The following R3HDM2 variants were observed in gnomAD, a reference collection of about 807,000 sequenced individuals.
R3HDM2 encodes R3H domain-containing protein 2.
A neutral mutation model predicts 124.5 loss-of-function variants in R3HDM2; 38 were observed. The ratio of observed to expected loss-of-function variants is 0.31; its 90% CI spans 0.24 to 0.40. The LOEUF (loss-of-function observed/expected upper bound fraction) is 0.40. R3HDM2 is among the 10% of genes least tolerant of loss of function. The pLI is 1.00. For missense variants in R3HDM2, 869 were observed against 1,236.9 expected, an observed-to-expected ratio of 0.70 and a Z score of 4.46; for synonymous variants, 391 against 448.0, an observed-to-expected ratio of 0.87 and a Z score of 1.61.
chr12:57,380,247 ATT>A (rs1027386880), intron 2 of R3HDM2, among the ~76,000 whole-genome samples: 1 of 152,194 alleles, frequency 6.6e-6, no homozygotes, highest in Non-Finnish European at 1.5e-5. Context: ...TCAAAAACAT[ATT>A]GTTTTTCAAA....
intron 2 of R3HDM2, among the ~76,000 whole-genome samples, chr12:57,311,417 AG>A (rs2053884419): frequency 6.6e-6 from 1 of 151,788 alleles, no homozygotes; most frequent in Admixed American, 6.6e-5. Flanking sequence ...TAGTACAGAC[AG>A]GGTTTCACTG....
At chr12:57,312,837 G>A (rs2054194203) in intron 2 of R3HDM2, among the ~76,000 whole-genome samples, 1 of 149,792 alleles carries the variant, frequency 6.7e-6, no homozygotes, top group Non-Finnish European at 1.5e-5. Context: ...ACTGAGGCAG[G>A]AGAATCACTT....
chr12:57,256,030 T>A lies in R3HDM2; in HGVS notation c.2592A>T (p.Ala864=). The A allele has an allele frequency of 6.2e-7, 1 of 1,614,032 alleles. No individual in the cohort carries two copies. Among genetic ancestry groups the A allele is most frequent in the Non-Finnish European group, 8.5e-7 (1 of 1,179,982 alleles). ...LKHGNRGKRQ[A]LKSASTDLGT... is the part of the protein sequence containing the mutation. ...CCAGGTCAGTGGAGGCAGATTTGAG[T>A]GCTTGTCTCTTGCCCCGGTTTCCAT... The change falls in exon 23 of 24, where the codon GCA becomes GCT. Residue 864 remains alanine, a synonymous_variant. Transcript: ENST00000402412.
intron 1 of R3HDM2, among the ~76,000 whole-genome samples, chr12:57,402,036 T>C (rs1380834736): frequency 6.6e-6 from 1 of 151,228 alleles, no homozygotes; most frequent in Non-Finnish European, 1.5e-5. Context: ...GGCTTACACC[T>C]GTTATCCCAG....
At chr12:57,350,973 C>T (rs2060621728) in intron 2 of R3HDM2, among the ~76,000 whole-genome samples, 1 of 152,144 alleles carries the variant, frequency 6.6e-6, no homozygotes, top group Non-Finnish European at 1.5e-5. Context: ...GTGGCGGGTG[C>T]CTGTAATCCC....
intron 1 of R3HDM2, among the ~76,000 whole-genome samples, chr12:57,408,509 T>C (rs1318492897): frequency 1.3e-5 from 2 of 152,114 alleles, no homozygotes; most frequent in African/African-American, 4.8e-5. Flanking sequence ...GACAGGCGGA[T>C]TGCTTAAGCT....
In R3HDM2 at chr12:57,296,326, G is replaced by A. The variant is rs963401735; in HGVS notation, c.701+85C>T. Reference sequence around the variant, plus strand: ...AGCCACCACGCCTGGCCATCTGCAAGAGACATCCTGATCCTACACCTTCCT... The same window carrying A: ...AGCCACCACGCCTGGCCATCTGCAAAAGACATCCTGATCCTACACCTTCCT... On this transcript the variant is annotated intron_variant, in intron 9 of 23. Coordinates refer to ENST00000402412, the MANE Select transcript of R3HDM2 (RefSeq NM_001394031.1). The surrounding 1 kb of genome is among the most constrained non-coding windows in gnomAD (Gnocchi z 4.5). 3 of 1,468,804 alleles carry A rather than the reference G, an allele frequency of 2.0e-6. No individual in the cohort carries two copies. In the African/African-American group the frequency reaches 4.2e-5, roughly 21 times the overall value. The allele number at this position is 1,468,804 out of a possible 1,614,324, so 91.0% of individuals were successfully genotyped here.
intron 4 of R3HDM2, 129 bp downstream of exon 4, chr12:57,303,047 T>A: frequency 1.2e-6 from 1 of 810,300 alleles, no homozygotes; most frequent in East Asian, 2.7e-5. Flanking sequence ...AGGTTCACAA[T>A]TGGGGTACAG....
intron 14 of R3HDM2, among the ~76,000 whole-genome samples, chr12:57,271,893 CATT>C (rs765831747): frequency 4.1e-5 from 6 of 146,430 alleles, no homozygotes; most frequent in Non-Finnish European, 7.4e-5. Flanking sequence ...TCTGCAACTG[CATT>C]TTTTTTTTTT....
chr12:57,404,951 T>C (rs1028953327), intron 1 of R3HDM2, among the ~76,000 whole-genome samples: 1 of 152,172 alleles, frequency 6.6e-6, no homozygotes, highest in Non-Finnish European at 1.5e-5. Context: ...TATGAAACCT[T>C]TGAATCTTTA....
chr12:57,353,466 C>T (rs538375589), intron 2 of R3HDM2, among the ~76,000 whole-genome samples: 1 of 152,226 alleles, frequency 6.6e-6, no homozygotes, highest in East Asian at 1.9e-4. Context: ...TTTCCATGTA[C>T]TGATATATCA....
intron 2 of R3HDM2, among the ~76,000 whole-genome samples, chr12:57,380,836 C>A (rs1359302503): frequency 1.3e-5 from 2 of 152,002 alleles, no homozygotes; most frequent in African/African-American, 4.8e-5. Flanking sequence ...CTATAAATAT[C>A]CTGAAATGCC....
chr12:57,269,328 T>C lies in R3HDM2; in HGVS notation c.1709A>G (p.Gln570Arg). The C allele has an allele frequency of 6.2e-7, 1 of 1,613,920 alleles. No homozygotes were observed. The highest frequency in any genetic ancestry group is 8.5e-7 in the Non-Finnish European group (1 of 1,179,990). The change falls in exon 16 of 24, where the codon CAG becomes CGG. Residue 570 changes from glutamine (Q) to arginine (R), a missense_variant. Physicochemically the swap from Gln to Arg is conservative, Grantham distance 43. This residue lies in a region of R3HDM2 where 602 missense variants were observed against 789.2 expected (regional missense o/e 0.76). Transcript: ENST00000402412. ...RGQQLPQPSQ[Q>R]PGLQPMMPNQ... ...AAACCAGTGGTTTCTCTTACCAGGC[T>C]GCTGGGATGGCTGAGGCAGCTGCTG...
chr12:57,422,174 A>G (rs2139589316), intron 1 of R3HDM2, among the ~76,000 whole-genome samples: 1 of 151,020 alleles, frequency 6.6e-6, no homozygotes, highest in East Asian at 2.0e-4. Flanking sequence ...CCTATTTCTT[A>G]TCTAGATTAT....
intron 2 of R3HDM2, among the ~76,000 whole-genome samples, chr12:57,348,402 C>T (rs932423019): frequency 3.3e-5 from 5 of 151,358 alleles, no homozygotes; most frequent in Admixed American, 6.6e-5. Context: ...CTCATCTCTA[C>T]GAAAAATAGG....
chr12:57,372,315 C>G (rs934855075), intron 2 of R3HDM2, among the ~76,000 whole-genome samples: 2 of 151,748 alleles, frequency 1.3e-5, no homozygotes, highest in Non-Finnish European at 2.9e-5. Context: ...ATTCAGCTCC[C>G]AACAATGATA....
chr12:57,316,449 T>G (rs2055035022), intron 2 of R3HDM2, among the ~76,000 whole-genome samples: 2 of 152,134 alleles, frequency 1.3e-5, no homozygotes. Context: ...TATTTAAAAT[T>G]TTTTTAAGCC....
chr12:57,321,442 G>T (rs763228589), intron 2 of R3HDM2, among the ~76,000 whole-genome samples: 1 of 152,112 alleles, frequency 6.6e-6, no homozygotes, highest in Non-Finnish European at 1.5e-5. Flanking sequence ...CCTGACGTCA[G>T]GAGTTCGAGA....
chr12:57,255,216 A>G (rs1436705659), intron 23 of R3HDM2, 103 bp from the exon 24 acceptor site: 2 of 955,506 alleles, frequency 2.1e-6, no homozygotes, highest in Admixed American at 2.8e-5. Flanking sequence ...TCTGTATACA[A>G]TGTCTTCAAA....
Sources: allele counts gnomAD v4.1 joint callset (sites outside exome capture counted in the v4.1 genomes callset), GRCh38; gene constraint gnomAD v4.1.1; regional missense constraint gnomAD v4.1.1; non-coding constraint Gnocchi (gnomAD v3.1); transcripts MANE v1.5; gene names NCBI Gene and HGNC (gene_info 2026-07-23, HGNC 2026-07-21).